PTPRD: variants seen among roughly 807,000 people sequenced by gnomAD.
The protein encoded by PTPRD is receptor-type tyrosine-protein phosphatase delta.
PTPRD carries 34 observed loss-of-function variants against 214.5 expected under a neutral mutation model. The observed-to-expected ratio is 0.16, with a 90% CI of 0.12 to 0.21. The LOEUF is 0.21. Ranked by LOEUF, PTPRD falls within the 10% of genes least tolerant of loss-of-function variation. The pLI is 1.00. For missense variants in PTPRD, 2,545 were observed against 2,398.7 expected (o/e 1.06, Z -1.27); for synonymous variants, 1,128 against 845.7 (o/e 1.33, Z -5.79).
chr9:8,804,362 C>CG (rs1161262696), intron 11 of PTPRD, among the ~76,000 whole-genome samples: 1 of 151,738 alleles, frequency 6.6e-6, no homozygotes, highest in Non-Finnish European at 1.5e-5. Flanking sequence ...TTTTGGGAAC[C>CG]GAGAGCAGGA....
chr9:8,992,561 C>T (rs1309671688), intron 11 of PTPRD, among the ~76,000 whole-genome samples: 2 of 152,164 alleles, frequency 1.3e-5, no homozygotes, highest in Admixed American at 6.6e-5. Flanking sequence ...TTTAGCACAA[C>T]GAATATTAGG....
chr9:9,239,706 G>A (rs1050402411), intron 9 of PTPRD, among the ~76,000 whole-genome samples: 5 of 152,262 alleles, frequency 3.3e-5, no homozygotes, highest in African/African-American at 1.2e-4. Flanking sequence ...TGTATCTATA[G>A]CACCTGGGCT....
Position 8,804,168 on chromosome 9 carries a change from G to C in PTPRD, c.-103-70222C>G, listed in dbSNP as rs114480296. 4.4e-3 allele frequency among the ~76,000 whole-genome samples: 675 copies of C among 152,088 alleles called. 6 individuals carry two copies. The highest frequency in any genetic ancestry group is 0.015 in the African/African-American group (640 of 41,462). ...GGGTTTCGCTATGTTGGTCCGTCTG[G>C]TCTCGAACTCCTGACCTCAAGTGAT... On this transcript the variant is annotated intron_variant, in intron 11 of 45. Coordinates refer to ENST00000381196, the MANE Select transcript of PTPRD (RefSeq NM_002839.4).
At chr9:9,359,921 G>A (rs2055360585) in intron 9 of PTPRD, among the ~76,000 whole-genome samples, 1 of 151,214 alleles carries the variant, frequency 6.6e-6, no homozygotes, top group South Asian at 2.1e-4. Context: ...AATGTAGAAA[G>A]AATTCCATTT....
At chr9:10,248,527 TA>T (rs76013260) in intron 3 of PTPRD, among the ~76,000 whole-genome samples, 1 of 61,972 alleles carries the variant, frequency 1.6e-5, no homozygotes, top group Non-Finnish European at 4.6e-5. Context: ...AAAAAAAAAA[TA>T]AAAAAAATAA....
intron 7 of PTPRD, among the ~76,000 whole-genome samples, chr9:9,638,868 G>C (rs1394647105): frequency 6.6e-6 from 1 of 152,096 alleles, no homozygotes; most frequent in African/African-American, 2.4e-5. Context: ...TATGAATGCT[G>C]CATCCTCCAA....
At chr9:10,065,595 G>T (rs2097863140) in intron 3 of PTPRD, among the ~76,000 whole-genome samples, 1 of 151,840 alleles carries the variant, frequency 6.6e-6, no homozygotes, top group African/African-American at 2.4e-5. Context: ...GGCCTGAAAG[G>T]AAATGTTCTT....
At chr9:9,926,974 T>C (rs1332529947) in intron 5 of PTPRD, among the ~76,000 whole-genome samples, 1 of 152,110 alleles carries the variant, frequency 6.6e-6, no homozygotes, top group Non-Finnish European at 1.5e-5. Context: ...ACTATTAGTG[T>C]TGTGGAAAAT....
At chr9:9,244,135 G>C (rs1479472477) in intron 9 of PTPRD, among the ~76,000 whole-genome samples, 1 of 152,156 alleles carries the variant, frequency 6.6e-6, no homozygotes, top group Non-Finnish European at 1.5e-5. Flanking sequence ...CAAAATAAAA[G>C]AGGATACAAA....
At chr9:9,891,160 C>T (rs535217232) in intron 5 of PTPRD, among the ~76,000 whole-genome samples, 30 of 152,190 alleles carry the variant, frequency 2.0e-4, no homozygotes, top group African/African-American at 6.3e-4. Flanking sequence ...AGCCAACCAA[C>T]GGTATATGCA....
chr9:10,129,543 G>A (rs1412206008), intron 3 of PTPRD, among the ~76,000 whole-genome samples: 1 of 113,800 alleles, frequency 8.8e-6, no homozygotes, highest in African/African-American at 3.3e-5. Context: ...GTCTTTTCTT[G>A]GTTCCTTCTC....
intron 7 of PTPRD, among the ~76,000 whole-genome samples, chr9:9,679,617 T>C (rs1400319217): frequency 1.3e-5 from 2 of 151,916 alleles, no homozygotes; most frequent in African/African-American, 4.8e-5. Context: ...TGGGAACTTT[T>C]ATGAAGTAGT....
chr9:9,774,937 A>T (rs1184004609), intron 5 of PTPRD, among the ~76,000 whole-genome samples: 1 of 152,216 alleles, frequency 6.6e-6, no homozygotes, highest in Non-Finnish European at 1.5e-5. Context: ...ACAAAGTAAT[A>T]ATGGAATTAA....
At chr9:9,995,523 T>C (rs1256210681) in intron 4 of PTPRD, among the ~76,000 whole-genome samples, 2 of 152,138 alleles carry the variant, frequency 1.3e-5, no homozygotes, top group Non-Finnish European at 2.9e-5. Context: ...TTCTCCCTTT[T>C]CTCCACCCCA....
rs372818254 is a variant in PTPRD at position 9,706,322 on chromosome 9, G to A, written c.-287+28211C>T. On this transcript the variant is annotated intron_variant, in intron 7 of 45. Coordinates refer to ENST00000381196, the MANE Select transcript of PTPRD (RefSeq NM_002839.4). ...TTACATATATGATCAAGTTTCATACGTACATTGATTTATTTCTCATGAAGT... is the reference window on the plus strand; with the variant it reads ...TTACATATATGATCAAGTTTCATACATACATTGATTTATTTCTCATGAAGT... Among the ~76,000 whole-genome samples, 173 of 152,002 alleles carry A rather than the reference G, an allele frequency of 1.1e-3. 2 individuals are homozygous for A. Among genetic ancestry groups the A allele is most frequent in the African/African-American group, 4.0e-3 (166 of 41,498 alleles).
chr9:8,651,202 C>T (rs1380676310), intron 12 of PTPRD, among the ~76,000 whole-genome samples: 8 of 152,126 alleles, frequency 5.3e-5, no homozygotes, highest in Admixed American at 3.3e-4. Flanking sequence ...TGTCTCCCCA[C>T]GTTTAATCTT....
chr9:8,549,419 G>C (rs1026427515), intron 14 of PTPRD, among the ~76,000 whole-genome samples: 1 of 152,154 alleles, frequency 6.6e-6, no homozygotes, highest in Non-Finnish European at 1.5e-5. Context: ...ATGACAGCTG[G>C]AATCATGCAG....
chr9:8,804,981 T>TG (rs940690258), intron 11 of PTPRD, among the ~76,000 whole-genome samples: 2 of 152,162 alleles, frequency 1.3e-5, no homozygotes, highest in Non-Finnish European at 2.9e-5. Flanking sequence ...ATTTCTGCTG[T>TG]AACAGAGGAA....
At chr9:10,201,211 T>C (rs2099418809) in intron 3 of PTPRD, among the ~76,000 whole-genome samples, 2 of 152,016 alleles carry the variant, frequency 1.3e-5, no homozygotes, top group Admixed American at 1.3e-4. Context: ...ATGGAACATT[T>C]TGAATGAACA....
Sources: allele counts gnomAD v4.1 joint callset (sites outside exome capture counted in the v4.1 genomes callset), GRCh38; gene constraint gnomAD v4.1.1; transcripts MANE v1.5; gene names NCBI Gene and HGNC (gene_info 2026-07-23, HGNC 2026-07-21).